PDE7B: variants seen among roughly 807,000 people sequenced by gnomAD.
The protein encoded by PDE7B is 3',5'-cyclic-AMP phosphodiesterase 7B.
Under a neutral mutation model 56.2 loss-of-function variants are expected in PDE7B, and 29 were observed. That is an observed-to-expected ratio of 0.52 (90% confidence interval 0.38 to 0.70). PDE7B has a LOEUF of 0.70. Ranked by LOEUF, PDE7B falls within the 30% of genes least tolerant of loss-of-function variation. The pLI is 0.00. For synonymous variants in PDE7B, 197 were observed against 196.9 expected, an observed-to-expected ratio of 1.00 and a Z score of 0.00; for missense variants, 490 against 565.0, an observed-to-expected ratio of 0.87 and a Z score of 1.35.
intron 4 of PDE7B, among the ~76,000 whole-genome samples, chr6:136,148,470 A>AAGGCAGGCAGGCAGGCAGGC (rs71006787): frequency 5.6e-4 from 73 of 130,240 alleles, no homozygotes; most frequent in Middle Eastern, 3.9e-3. Flanking sequence ...GGAAGGAAGG[A>AAGGCAGGCAGGCAGGCAGGC]AGGCAGGCAG....
chr6:136,110,115 T>G lies in PDE7B; in HGVS notation c.166+1301T>G, dbSNP rs908385427. The stretch of plus-strand genomic sequence containing the variant: ...CTCCCATATCAATGTGCAATGTCTG[T>G]TTTTTTTAGCACTTTCAGGGACACA... On this transcript the variant is annotated intron_variant, in intron 3 of 12. Transcript: ENST00000308191. 8.5e-4 allele frequency among the ~76,000 whole-genome samples: 126 copies of G among 147,726 alleles called. 1 individual carries two copies. Among genetic ancestry groups the G allele is most frequent in the African/African-American group, 2.9e-3 (109 of 37,364 alleles).
At chr6:136,110,709 A>G (rs1238302309) in intron 3 of PDE7B, among the ~76,000 whole-genome samples, 3 of 148,790 alleles carry the variant, frequency 2.0e-5, no homozygotes. Flanking sequence ...AGGATTCTGC[A>G]ACATTTTTTT....
intron 1 of PDE7B, among the ~76,000 whole-genome samples, chr6:135,896,801 T>C (rs968829710): frequency 6.6e-6 from 1 of 152,134 alleles, no homozygotes; most frequent in Non-Finnish European, 1.5e-5. Context: ...TCCAAAGCCT[T>C]CCACGATTCC....
intron 3 of PDE7B, among the ~76,000 whole-genome samples, chr6:136,121,803 A>G (rs570782141): frequency 6.6e-6 from 1 of 152,306 alleles, no homozygotes; most frequent in Admixed American, 6.5e-5. Context: ...TCAAAAAAAG[A>G]CCAGGTATGG....
chr6:136,113,994 G>A (rs1777791267), intron 3 of PDE7B, among the ~76,000 whole-genome samples: 1 of 152,192 alleles, frequency 6.6e-6, no homozygotes, highest in Admixed American at 6.5e-5. Context: ...CAGGGACTGT[G>A]GAGCTTGAGG....
intron 7 of PDE7B, among the ~76,000 whole-genome samples, chr6:136,154,968 T>C (rs542277868): frequency 6.6e-6 from 1 of 152,324 alleles, no homozygotes; most frequent in South Asian, 2.1e-4. Context: ...CCCTGCAACA[T>C]ATCCCAAGGA....
intron 2 of PDE7B, among the ~76,000 whole-genome samples, chr6:135,958,299 AT>A (rs1004825182): frequency 1.6e-4 from 24 of 152,268 alleles, no homozygotes; most frequent in African/African-American, 5.8e-4. Flanking sequence ...GCTTCTATAA[AT>A]TGGATTCAAA....
chr6:135,864,423 A>G (rs1775212136), intron 1 of PDE7B, among the ~76,000 whole-genome samples: 1 of 152,076 alleles, frequency 6.6e-6, no homozygotes, highest in Non-Finnish European at 1.5e-5. Flanking sequence ...TTTTGTATGA[A>G]ATGGCTTTAT....
At chr6:136,001,720 C>G (rs1312279387) in intron 2 of PDE7B, among the ~76,000 whole-genome samples, 6 of 152,190 alleles carry the variant, frequency 3.9e-5, no homozygotes, top group African/African-American at 1.4e-4. Context: ...AAATCTACAT[C>G]TGACTGGTGT....
At chr6:136,095,411 G>C (rs1317676991) in intron 2 of PDE7B, among the ~76,000 whole-genome samples, 1 of 152,124 alleles carries the variant, frequency 6.6e-6, no homozygotes, top group Non-Finnish European at 1.5e-5. Flanking sequence ...GATTGGCAAA[G>C]CAGTTTTATC....
rs1455246452 is a variant in PDE7B, at chr6:136,018,855, A to G, written c.82+71331A>G. ...ATCCTTATTTCAAGAAACTTTGGTG[A>G]TCTTGCTTCACTGATCTCCTAAATA... On this transcript the variant is annotated intron_variant, in intron 2 of 12. Coordinates refer to ENST00000308191, the MANE Select transcript of PDE7B (RefSeq NM_018945.4). Among the ~76,000 whole-genome samples the G allele has an allele frequency of 2.6e-5, 4 of 151,968 alleles. No individual in the cohort carries two copies. The East Asian group carries it at 7.7e-4, about 29-fold the overall frequency.
intron 2 of PDE7B, among the ~76,000 whole-genome samples, chr6:136,045,139 T>TCTTG (rs1776480703): frequency 6.6e-6 from 1 of 152,094 alleles, no homozygotes; most frequent in Non-Finnish European, 1.5e-5. Flanking sequence ...TTTTCAGTAC[T>TCTTG]CTTGATAATA....
intron 8 of PDE7B, among the ~76,000 whole-genome samples, chr6:136,170,483 C>T (rs1778860857): frequency 6.6e-6 from 1 of 152,110 alleles, no homozygotes; most frequent in Non-Finnish European, 1.5e-5. Context: ...CCCTGGCAAC[C>T]ACCCATTCTA....
chr6:135,946,938 G>GT (rs373188406), intron 1 of PDE7B, among the ~76,000 whole-genome samples: 20 of 152,120 alleles, frequency 1.3e-4, no homozygotes, highest in African/African-American at 4.3e-4. Context: ...TGATATTTCC[G>GT]TAAGTCTGTG....
chr6:136,049,942 A>AT (rs34261341), intron 2 of PDE7B, among the ~76,000 whole-genome samples: 76,946 of 151,024 alleles, frequency 0.51, 20,146 homozygotes, highest in African/African-American at 0.65. Flanking sequence ...AAATCACTGC[A>AT]TTTTTTTTTA....
At chr6:135,978,863 C>T (rs1775240470) in intron 2 of PDE7B, among the ~76,000 whole-genome samples, 1 of 151,862 alleles carries the variant, frequency 6.6e-6, no homozygotes, top group African/African-American at 2.4e-5. Flanking sequence ...ATTGAATACC[C>T]TTTATTTCCT....
intron 4 of PDE7B, among the ~76,000 whole-genome samples, chr6:136,148,466 AAGGAAGGCAGGC>A (rs960315426): frequency 9.3e-5 from 4 of 43,032 alleles, no homozygotes; most frequent in East Asian, 8.9e-4. Flanking sequence ...GGAGGGAAGG[AAGGAAGGCAGGC>A]AGGCAGGCAG....
At chr6:136,006,231 G>A (rs570127624) in intron 2 of PDE7B, among the ~76,000 whole-genome samples, 10 of 147,074 alleles carry the variant, frequency 6.8e-5, no homozygotes, top group African/African-American at 2.5e-4. Context: ...GGGAGGGATA[G>A]CATTAGGAGA....
chr6:136,177,693 C>T (rs562709933), intron 9 of PDE7B, among the ~76,000 whole-genome samples: 2 of 152,238 alleles, frequency 1.3e-5, no homozygotes, highest in South Asian at 4.1e-4. Flanking sequence ...TTTATACCAT[C>T]ATTTTGAAAA....
Sources: allele counts gnomAD v4.1 joint callset (sites outside exome capture counted in the v4.1 genomes callset), GRCh38; gene constraint gnomAD v4.1.1; transcripts MANE v1.5; gene names NCBI Gene and HGNC (gene_info 2026-07-23, HGNC 2026-07-21).